Variants in SLC25A46 observed in about 807,000 individuals in gnomAD.
The protein encoded by SLC25A46 is solute carrier family 25 member 46.
SLC25A46 carries 39 observed loss-of-function variants against 44.6 expected under a neutral mutation model. The observed-to-expected ratio is 0.87, with a 90% CI of 0.68 to 1.14. The LOEUF (loss-of-function observed/expected upper bound fraction) is 1.14. SLC25A46 is among the 50% of genes most tolerant of loss of function. The pLI is 0.00. For synonymous variants in SLC25A46, 202 were observed against 185.8 expected, an observed-to-expected ratio of 1.09 and a Z score of -0.71; for missense variants, 547 against 522.7, an observed-to-expected ratio of 1.05 and a Z score of -0.45.
chr5:110,749,489 G>A (rs1799904679), intron 5 of SLC25A46, among the ~76,000 whole-genome samples: 1 of 150,128 alleles, frequency 6.7e-6, no homozygotes, highest in African/African-American at 2.4e-5. Context: ...ATACATGTGT[G>A]CCGTGTGTGT....
chr5:110,761,084 C>G lies in SLC25A46; in HGVS notation c.679-120C>G. 1 of 748,338 alleles carries G rather than the reference C, an allele frequency of 1.3e-6. No individual in the cohort carries two copies. Among genetic ancestry groups the G allele is most frequent in the Non-Finnish European group, 2.2e-6 (1 of 459,974 alleles). The allele number at this position is 748,338 out of a possible 1,614,324, so 46.4% of individuals were successfully genotyped here. A position where few individuals can be genotyped will look rare whatever the true frequency, so the allele number is the denominator to read the frequency against. ...TAGATAACAGTTAAAGTCTGCAAAT[C>G]ATGGATGTTTCCCTCTTCAGTCACT... On this transcript the variant is annotated intron_variant, in intron 7 of 7. Transcript: ENST00000355943. The surrounding 1 kb of genome is among the most constrained non-coding windows in gnomAD (Gnocchi z 5.3).
At position 110,739,114 on chromosome 5, in the gene SLC25A46, G is replaced by A. The variant is rs753376360; in HGVS notation, c.-6G>A. Reference sequence around the variant, plus strand: ...GGCGGGCTCGCGTCATCCTGCCCCCGCTGCGATGCATCCGCGGCGCCCGGA... The same window carrying A: ...GGCGGGCTCGCGTCATCCTGCCCCCACTGCGATGCATCCGCGGCGCCCGGA... On this transcript the variant is annotated 5_prime_UTR_variant, in exon 1 of 8. Transcript: ENST00000355943. 373 of 1,545,618 alleles carry A rather than the reference G, an allele frequency of 2.4e-4. 1 individual carries two copies. In the Middle Eastern group the frequency reaches 3.3e-3, roughly 14 times the overall value.
intron 3 of SLC25A46, among the ~76,000 whole-genome samples, chr5:110,745,176 A>C (rs1220863658): frequency 6.6e-6 from 1 of 152,214 alleles, no homozygotes; most frequent in Non-Finnish European, 1.5e-5. Flanking sequence ...ATAATTTTGA[A>C]CTTGTCAAGC....
chr5:110,761,575 T>C lies in SLC25A46; in HGVS notation c.1050T>C (p.Ile350=). 6.2e-7 allele frequency: 1 copy of C among 1,613,750 alleles called. No individual in the cohort carries two copies. Among genetic ancestry groups the C allele is most frequent in the African/African-American group, 1.3e-5 (1 of 75,010 alleles). The change falls in exon 8 of 8, where the codon ATT becomes ATC. Residue 350 remains isoleucine, a synonymous_variant. Coordinates refer to ENST00000355943, the MANE Select transcript of SLC25A46 (RefSeq NM_138773.4). The surrounding 1 kb of genome is among the most constrained non-coding windows in gnomAD (Gnocchi z 5.3). The part of the protein sequence containing the change: ...RLHIQGTRTI[I]DNTDLGYEVL... The stretch of plus-strand genomic sequence containing the variant: ...ACATTCAAGGAACACGCACAATAAT[T>C]GACAATACAGACCTTGGCTATGAAG...
Position 110,754,864 on chromosome 5 carries a change from TCTC to T in SLC25A46, c.564-597_564-595del, listed in dbSNP as rs1800067342. 2.0e-5 allele frequency: 3 copies of T among 152,316 alleles called. No individual in the cohort carries two copies. The South Asian group carries it at 6.2e-4, about 32-fold the overall frequency. 9.4% of individuals were successfully genotyped at this position (152,316 alleles called of 1,614,324 possible). Reference sequence around the variant, plus strand: ...GAGTTATTAATCCCCTCTGATCCTATCTCCTCATCTATGAAATGGAGAAAATAG... The same window carrying T: ...GAGTTATTAATCCCCTCTGATCCTATCTCATCTATGAAATGGAGAAAATAG... On this transcript the variant is annotated intron_variant, in intron 5 of 7. Transcript: ENST00000355943.
In SLC25A46 at chr5:110,762,374, T is replaced by TTTA. The variant is rs1455488269; in HGVS notation, c.*594_*596dup. On this transcript the variant is annotated 3_prime_UTR_variant, in exon 8 of 8. Transcript: ENST00000355943. ...TATATATATGTATTTTATAAAGCCATTTATGTATACACATGTAACTTGGAA... is the reference window on the plus strand; with the variant it reads ...TATATATATGTATTTTATAAAGCCATTTATTATGTATACACATGTAACTTGGAA... 3 of 152,006 alleles carry TTTA rather than the reference T, an allele frequency of 2.0e-5. No homozygotes were observed. Among genetic ancestry groups the TTTA allele is most frequent in the African/African-American group, 7.2e-5 (3 of 41,404 alleles). The allele number at this position is 152,006 out of a possible 1,614,324, so 9.4% of individuals were successfully genotyped here.
Position 110,761,398 on chromosome 5 carries a change from G to C in SLC25A46, c.873G>C (p.Lys291Asn), listed in dbSNP as rs532345927. Residue 291 changes from lysine to asparagine, a missense_variant, in exon 8 of 8, where the codon AAG (lysine) becomes AAC (asparagine). By Grantham distance (94) the Lys-to-Asn change is moderately conservative (BLOSUM62 0). Transcript: ENST00000355943. This position sits in a 1 kb window ranked among gnomAD's most constrained non-coding sequence, Gnocchi z 5.3. Reference protein sequence around the residue: ...VIQKFVLLILKRKTYNSHLAE... With the variant: ...VIQKFVLLILNRKTYNSHLAE... ...AGAAGTTTGTCCTACTAATTCTAAA[G>C]AGAAAGACTTACAATAGCCACCTAG... The C allele has an allele frequency of 1.9e-6, 3 of 1,613,700 alleles. No homozygotes were observed. In the East Asian group the frequency reaches 6.7e-5, roughly 36 times the overall value.
In SLC25A46 at chr5:110,743,794, G is replaced by A. The variant is rs760742549; in HGVS notation, c.384+7G>A. ...TCTACGCCGCCAATGTCAGGTAAAT[G>A]TAATTTCTGTGATCTTTTGAAGCAA... On this transcript the variant is annotated splice_region_variant and intron_variant, in intron 3 of 7. Coordinates refer to ENST00000355943, the MANE Select transcript of SLC25A46 (RefSeq NM_138773.4). The A allele has an allele frequency of 4.9e-5, 78 of 1,601,706 alleles. No homozygotes were observed. Among genetic ancestry groups the A allele is most frequent in the Non-Finnish European group, 6.7e-5 (78 of 1,171,746 alleles).
intron 5 of SLC25A46, among the ~76,000 whole-genome samples, chr5:110,752,431 G>A (rs1236454558): frequency 3.3e-5 from 5 of 152,052 alleles, no homozygotes; most frequent in South Asian, 2.1e-4. Flanking sequence ...GACTGTTAAC[G>A]CGAGGTAGGA....
chr5:110,740,203 A>C (rs1035928386), intron 1 of SLC25A46, among the ~76,000 whole-genome samples: 2 of 152,222 alleles, frequency 1.3e-5, no homozygotes, highest in Non-Finnish European at 2.9e-5. Flanking sequence ...ATAAAATGTG[A>C]ATAATGGCTA....
Position 110,761,252 on chromosome 5 carries a change from G to T in SLC25A46, c.727G>T (p.Gly243Ter). 6.2e-7 allele frequency: 1 copy of T among 1,612,854 alleles called. No homozygotes were observed. Among genetic ancestry groups the T allele is most frequent in the Non-Finnish European group, 8.5e-7 (1 of 1,179,464 alleles). Residue 243 changes from glycine to a stop codon, truncating the protein, a stop_gained, in exon 8 of 8, where the codon GGA (glycine) becomes TGA (stop). Coordinates refer to ENST00000355943, the MANE Select transcript of SLC25A46 (RefSeq NM_138773.4). LOFTEE classifies it high-confidence loss of function. The surrounding 1 kb of genome is among the most constrained non-coding windows in gnomAD (Gnocchi z 5.3). ...NTGILECVKE[G>*]IGRVIGMGVP... ...TGGCATTTTGGAGTGTGTTAAAGAA[G>T]GAATTGGAAGAGTGATAGGCATGGG...
In SLC25A46 at chr5:110,763,277, T is replaced by A. The variant is rs1800305755; in HGVS notation, c.*1495T>A. 6.6e-6 allele frequency: 1 copy of A among 151,942 alleles called. No individual in the cohort carries two copies. The highest frequency in any genetic ancestry group is 6.6e-5 in the Admixed American group (1 of 15,210). The allele number at this position is 151,942 out of a possible 1,614,324, so 9.4% of individuals were successfully genotyped here. A position where few individuals can be genotyped will look rare whatever the true frequency, so the allele number is the denominator to read the frequency against. On this transcript the variant is annotated 3_prime_UTR_variant, in exon 8 of 8. Coordinates refer to ENST00000355943, the MANE Select transcript of SLC25A46 (RefSeq NM_138773.4). Reference sequence around the variant, plus strand: ...GCATACGAATAGAAATTCATTTTACTTGCTAAATGTCACAGAAATGGTTAC... The same window carrying A: ...GCATACGAATAGAAATTCATTTTACATGCTAAATGTCACAGAAATGGTTAC...
chr5:110,758,770 A>G (rs532090742), intron 7 of SLC25A46, among the ~76,000 whole-genome samples: 4 of 152,212 alleles, frequency 2.6e-5, no homozygotes, highest in Admixed American at 6.5e-5. Flanking sequence ...TGACAGAGTA[A>G]GACTCTGTCT....
chr5:110,748,227 C>T lies in SLC25A46; in HGVS notation c.527C>T (p.Ala176Val), dbSNP rs1431266802. 2 of 1,613,428 alleles carry T rather than the reference C, an allele frequency of 1.2e-6. No homozygotes were observed. The highest frequency in any genetic ancestry group is 1.7e-6 in the Non-Finnish European group (2 of 1,179,616). Residue 176 changes from alanine to valine, a missense_variant, in exon 5 of 8, where the codon GCA (alanine) becomes GTA (valine). Physicochemically the swap from Ala to Val is moderately conservative, Grantham distance 64. Transcript: ENST00000355943. ...ATTGTCCAGGGAGTCACACTTGGAG[C>T]AGAAGGCATAATTAGTGAATTTACA... Reference protein sequence around the residue: ...TFIVQGVTLGAEGIISEFTPL... With the variant: ...TFIVQGVTLGVEGIISEFTPL...
intron 3 of SLC25A46, 35 bp downstream of exon 3, chr5:110,743,822 C>T (rs2150408993): frequency 2.0e-6 from 3 of 1,518,060 alleles, no homozygotes; most frequent in Middle Eastern, 1.7e-4. Flanking sequence ...TGAAGCAATA[C>T]TTCTGACCCT....
In SLC25A46 at chr5:110,739,224, C is replaced by G; in HGVS notation, c.105C>G (p.Thr35=). Residue 35 remains threonine (T), a synonymous_variant, in exon 1 of 8, where the codon ACC becomes ACG. Coordinates refer to ENST00000355943, the MANE Select transcript of SLC25A46 (RefSeq NM_138773.4). ...CCTTCCCTGCAAGGTCCTTCAGCAC[C>G]GGGTCGGACCTGGGCCACTGGGTGA... ...GGAFPARSFS[T]GSDLGHWVTT... The G allele has an allele frequency of 2.5e-6, 4 of 1,575,738 alleles. No homozygotes were observed. Among genetic ancestry groups the G allele is most frequent in the Non-Finnish European group, 2.6e-6 (3 of 1,161,230 alleles).
chr5:110,756,228 T>C (rs1484823813), intron 6 of SLC25A46: 1 of 148,394 alleles, frequency 6.7e-6, no homozygotes, highest in Non-Finnish European at 1.5e-5. Flanking sequence ...TTTGCAAAGC[T>C]GTATAATGTT....
chr5:110,739,030 C>A lies in SLC25A46; in HGVS notation c.-90C>A. On this transcript the variant is annotated 5_prime_UTR_variant, in exon 1 of 8. Transcript: ENST00000355943. ...TCAGAATTTACCCCTGACGCGGCGG[C>A]GGCCGACGGGAAGCTGTGTGTGCTT... 6.7e-7 allele frequency: 1 copy of A among 1,487,898 alleles called. No individual in the cohort carries two copies. Among genetic ancestry groups the A allele is most frequent in the African/African-American group, 1.4e-5 (1 of 70,284 alleles). The allele number at this position is 1,487,898 out of a possible 1,614,324, so 92.2% of individuals were successfully genotyped here. A position where few individuals can be genotyped will look rare whatever the true frequency, so the allele number is the denominator to read the frequency against.
In SLC25A46 at chr5:110,763,932, C is replaced by CA. The variant is rs2150420953; in HGVS notation, c.*2153dup. On this transcript the variant is annotated 3_prime_UTR_variant, in exon 8 of 8. Coordinates refer to ENST00000355943, the MANE Select transcript of SLC25A46 (RefSeq NM_138773.4). ...GTCACGCACTTAAATTTAAGCTAGC[C>CA]AAATATGTTGCACTGAATTTTGAAA... 6.6e-6 allele frequency: 1 copy of CA among 151,846 alleles called. No individual in the cohort carries two copies. Among genetic ancestry groups the CA allele is most frequent in the Admixed American group, 6.6e-5 (1 of 15,206 alleles). 9.4% of individuals were successfully genotyped at this position (151,846 alleles called of 1,614,324 possible).
Sources: gnomAD v4.1 joint callset for allele counts (sites outside exome capture counted in the v4.1 genomes callset) on GRCh38, gnomAD v4.1.1 for gene constraint, Gnocchi (gnomAD v3.1) non-coding constraint, MANE v1.5 for transcripts, NCBI Gene and HGNC (gene_info 2026-07-23, HGNC 2026-07-21) for gene names.